The following SH3GL2 variants were observed in gnomAD, a reference collection of about 807,000 sequenced individuals.
SH3GL2 encodes the protein endophilin-A1.
In SH3GL2, 24 loss-of-function variants were observed where a neutral mutation model predicts 46.0. The ratio of observed to expected loss-of-function variants is 0.52; its 90% CI spans 0.38 to 0.73. The LOEUF (loss-of-function observed/expected upper bound fraction) is 0.73, where lower values mean the gene tolerates loss of function less well. SH3GL2 is among the 30% of genes least tolerant of loss of function. SH3GL2 has a pLI of 0.00. For missense variants in SH3GL2, 413 were observed against 424.2 expected (o/e 0.97, Z 0.23); for synonymous variants, 196 against 147.1 (o/e 1.33, Z -2.40).
intron 3 of SH3GL2, among the ~76,000 whole-genome samples, chr9:17,770,163 A>T (rs139092490): frequency 3.3e-5 from 5 of 152,188 alleles, no homozygotes; most frequent in Non-Finnish European, 7.3e-5. Context: ...ATATTTCACA[A>T]TTGCTTTGGG....
intron 3 of SH3GL2, among the ~76,000 whole-genome samples, chr9:17,771,195 T>G (rs114720970): frequency 8.4e-4 from 128 of 152,232 alleles, no homozygotes; most frequent in African/African-American, 2.9e-3. Context: ...TACATTGAAG[T>G]AGGAGGTAGA....
At chr9:17,766,685 C>G (rs1823327270) in intron 3 of SH3GL2, among the ~76,000 whole-genome samples, 1 of 151,488 alleles carries the variant, frequency 6.6e-6, no homozygotes, top group Non-Finnish European at 1.5e-5. Context: ...TGTTTTTTTT[C>G]ATACTCTGGA....
chr9:17,654,965 T>C (rs891531706), intron 1 of SH3GL2, among the ~76,000 whole-genome samples: 4 of 152,200 alleles, frequency 2.6e-5, no homozygotes, highest in Admixed American at 1.3e-4. Context: ...ATTAAATAGG[T>C]ACTGGAAGAA....
intron 1 of SH3GL2, among the ~76,000 whole-genome samples, chr9:17,704,007 C>T (rs1271349247): frequency 6.6e-6 from 1 of 152,006 alleles, no homozygotes; most frequent in Non-Finnish European, 1.5e-5. Context: ...AACTATCTGT[C>T]TTTGTAGACC....
chr9:17,606,728 A>C (rs533993273), intron 1 of SH3GL2, among the ~76,000 whole-genome samples: 1 of 152,126 alleles, frequency 6.6e-6, no homozygotes, highest in Non-Finnish European at 1.5e-5. Context: ...TCTCTTTGCT[A>C]AATTAGGGGA....
intron 1 of SH3GL2, among the ~76,000 whole-genome samples, chr9:17,661,852 C>T (rs1003687653): frequency 6.6e-6 from 1 of 152,134 alleles, no homozygotes; most frequent in African/African-American, 2.4e-5. Context: ...TGTAACATAA[C>T]TTAATGAGCC....
At chr9:17,777,918 T>A (rs1244627911) in intron 3 of SH3GL2, among the ~76,000 whole-genome samples, 3 of 152,062 alleles carry the variant, frequency 2.0e-5, no homozygotes, top group Non-Finnish European at 2.9e-5. Flanking sequence ...TTAGCGTAGG[T>A]TGGGCTCTCA....
chr9:17,685,801 A>T (rs563373473), intron 1 of SH3GL2, among the ~76,000 whole-genome samples: 190 of 151,992 alleles, frequency 1.3e-3, no homozygotes, highest in African/African-American at 4.4e-3. Flanking sequence ...TGTTCCATTG[A>T]TCTATATCTC....
At chr9:17,715,041 G>A (rs1299620191) in intron 1 of SH3GL2, among the ~76,000 whole-genome samples, 2 of 151,684 alleles carry the variant, frequency 1.3e-5, no homozygotes, top group Non-Finnish European at 2.9e-5. Flanking sequence ...GTGCTTTAAA[G>A]ATGTTATCAA....
chr9:17,724,767 A>G (rs117839552), intron 1 of SH3GL2, among the ~76,000 whole-genome samples: 2 of 152,092 alleles, frequency 1.3e-5, no homozygotes, highest in Non-Finnish European at 2.9e-5. Context: ...TTATTTGAAG[A>G]ATATTTTTCT....
intron 3 of SH3GL2, among the ~76,000 whole-genome samples, chr9:17,785,449 G>A (rs1305215673): frequency 6.6e-6 from 1 of 152,088 alleles, no homozygotes; most frequent in African/African-American, 2.4e-5. Flanking sequence ...TTAAATAAAA[G>A]CCTTGTGAAA....
intron 1 of SH3GL2, among the ~76,000 whole-genome samples, chr9:17,706,878 A>G (rs1406818537): frequency 3.9e-5 from 6 of 152,054 alleles, no homozygotes; most frequent in African/African-American, 9.7e-5. Flanking sequence ...AAGTTGCTGT[A>G]GGGTTTTACC....
intron 1 of SH3GL2, among the ~76,000 whole-genome samples, chr9:17,672,194 G>A (rs1193021022): frequency 6.6e-6 from 1 of 152,128 alleles, no homozygotes; most frequent in African/African-American, 2.4e-5. Context: ...AATTAAAAAG[G>A]TGCATACAGA....
chr9:17,658,464 A>C (rs1820141361), intron 1 of SH3GL2, among the ~76,000 whole-genome samples: 1 of 152,252 alleles, frequency 6.6e-6, no homozygotes, highest in African/African-American at 2.4e-5. Context: ...CTTGTGGAAG[A>C]AAATGGATTT....
chr9:17,661,077 G>A (rs908775996), intron 1 of SH3GL2, among the ~76,000 whole-genome samples: 2 of 152,054 alleles, frequency 1.3e-5, no homozygotes, highest in Admixed American at 6.6e-5. Flanking sequence ...CAGGAGAATC[G>A]CTTGAACCTG....
At chr9:17,601,586 C>A (rs1289963534) in intron 1 of SH3GL2, among the ~76,000 whole-genome samples, 1 of 152,124 alleles carries the variant, frequency 6.6e-6, no homozygotes, top group East Asian at 1.9e-4. Flanking sequence ...AAATCATCTT[C>A]CCATGTAAGC....
intron 2 of SH3GL2, among the ~76,000 whole-genome samples, chr9:17,756,571 C>T (rs542756683): frequency 3.2e-4 from 47 of 147,460 alleles, no homozygotes; most frequent in African/African-American, 9.2e-4. Flanking sequence ...TGAGAACTTG[C>T]GGTGTTTGGT....
intron 1 of SH3GL2, among the ~76,000 whole-genome samples, chr9:17,689,045 G>C (rs947549070): frequency 6.6e-6 from 1 of 152,042 alleles, no homozygotes; most frequent in Non-Finnish European, 1.5e-5. Flanking sequence ...AGGTGATCAA[G>C]GTGTACGTCA....
chr9:17,582,023 G>T (rs1412049243), intron 1 of SH3GL2, among the ~76,000 whole-genome samples: 2 of 152,136 alleles, frequency 1.3e-5, no homozygotes, highest in African/African-American at 4.8e-5. Flanking sequence ...TCACGCAAAC[G>T]TTTCTTTCTA....
Sources: gnomAD v4.1 joint callset for allele counts (sites outside exome capture counted in the v4.1 genomes callset) on GRCh38, gnomAD v4.1.1 for gene constraint, MANE v1.5 for transcripts, NCBI Gene and HGNC (gene_info 2026-07-23, HGNC 2026-07-21) for gene names.